Variants in SYNE2 observed in about 807,000 individuals in gnomAD.
The protein encoded by SYNE2 is nesprin-2.
In SYNE2, 431 loss-of-function variants were observed where a neutral mutation model predicts 856.3. The observed-to-expected ratio is 0.50, with a 90% CI of 0.47 to 0.55. The LOEUF (loss-of-function observed/expected upper bound fraction) is 0.55. Among genes scored for constraint, SYNE2 ranks in the 20% least tolerant of loss-of-function variants. The pLI, the probability that SYNE2 is intolerant of heterozygous loss-of-function variation, is 0.00. For missense variants in SYNE2, 8,129 were observed against 8,023.2 expected (o/e 1.01, Z -0.50); for synonymous variants, 2,923 against 2,872.3 (o/e 1.02, Z -0.56).
chr14:64,113,404 CCCAGGGTGGAGA>C lies in SYNE2; in HGVS notation c.12674_12685del (p.Pro4225_Lys4229delinsGln), dbSNP rs769427742. On this transcript the variant is annotated inframe_deletion, in exon 66 of 116. Transcript: ENST00000555002. ...TTCTGACGCGCAAGGAGGTTTGGAG[CCCAGGGTGGAGA>C]AAACTAGGCCGGAGCCCACAGAAGT... 1.9e-6 allele frequency: 3 copies of C among 1,614,132 alleles called. No homozygotes were observed. In the South Asian group the frequency reaches 3.3e-5, roughly 18 times the overall value.
At chr14:64,075,899 T>G in intron 53 of SYNE2, 46 bp from the exon 54 acceptor site, 1 of 1,608,142 alleles carries the variant, frequency 6.2e-7, no homozygotes, top group Non-Finnish European at 8.5e-7. Context: ...AGAATTAAAC[T>G]TTTCCCCCAG....
chr14:63,835,422 G>A (rs1297450846), intron 1 of SYNE2, among the ~76,000 whole-genome samples: 1 of 151,808 alleles, frequency 6.6e-6, no homozygotes, highest in Non-Finnish European at 1.5e-5. Context: ...TAGTAGAGAC[G>A]GGGTTTCACC....
At chr14:64,009,336 G>A (rs371733027) in intron 31 of SYNE2, among the ~76,000 whole-genome samples, 2 of 152,028 alleles carry the variant, frequency 1.3e-5, no homozygotes, top group African/African-American at 4.8e-5. Flanking sequence ...AGGAGTTCAC[G>A]ACCAGCCCGG....
chr14:63,812,957 C>G lies in SYNE2; in HGVS notation c.-304-39544C>G, dbSNP rs57694582. On this transcript the variant is annotated intron_variant, in intron 1 of 23. Coordinates refer to the SYNE2 transcript ENST00000674003. ...TAAATGGCTTTCAATGGTTTCTGGC[C>G]CTACAGGTGAGTAAAAATGGTCACT... is the stretch of plus-strand genomic sequence containing the variant. 5.0e-3 allele frequency among the ~76,000 whole-genome samples: 754 copies of G among 152,070 alleles called. 3 individuals are homozygous for G. The highest frequency in any genetic ancestry group is 0.017 in the African/African-American group (714 of 41,456).
chr14:64,038,465 T>C (rs910217858), intron 45 of SYNE2, among the ~76,000 whole-genome samples: 21 of 152,110 alleles, frequency 1.4e-4, no homozygotes, highest in Non-Finnish European at 2.2e-4. Context: ...GCTGCAATCT[T>C]GGCACTTTGG....
At chr14:64,044,285 A>T (rs553351717) in intron 45 of SYNE2, among the ~76,000 whole-genome samples, 2 of 152,288 alleles carry the variant, frequency 1.3e-5, no homozygotes, top group Non-Finnish European at 2.9e-5. Flanking sequence ...TCAGACTTGC[A>T]TGGGCCCTGT....
At chr14:64,171,095 TA>T (rs980842267) in intron 94 of SYNE2, among the ~76,000 whole-genome samples, 3 of 151,780 alleles carry the variant, frequency 2.0e-5, no homozygotes, top group Non-Finnish European at 4.4e-5. Context: ...AAAACTGATT[TA>T]AAAAAAATAA....
intron 34 of SYNE2, among the ~76,000 whole-genome samples, chr14:64,018,537 C>T (rs2096912483): frequency 6.6e-6 from 1 of 152,148 alleles, no homozygotes; most frequent in Admixed American, 6.6e-5. Context: ...CCATCATGCC[C>T]AGCCAGCAGA....
intron 1 of SYNE2, among the ~76,000 whole-genome samples, chr14:63,770,838 A>T (rs1474470513): frequency 2.0e-5 from 3 of 152,032 alleles, no homozygotes; most frequent in Admixed American, 6.6e-5. Flanking sequence ...ATAAAAAAAA[A>T]TTTTAAATTC....
chr14:64,151,916 T>C (rs928074850), intron 84 of SYNE2, among the ~76,000 whole-genome samples: 1 of 152,174 alleles, frequency 6.6e-6, no homozygotes, highest in East Asian at 1.9e-4. Context: ...TTCCTCTGAG[T>C]AGAGTGGCAC....
rs375356310 is a variant in SYNE2, at chr14:64,225,300, C to G, written c.20517-19C>G. ...CCTGTGGAGCCTCCCAATCAGCTCTCAACCTCCTCTGTTGGCAGGGTCCCC... is the reference window on the plus strand; with the variant it reads ...CCTGTGGAGCCTCCCAATCAGCTCTGAACCTCCTCTGTTGGCAGGGTCCCC... On this transcript the variant is annotated intron_variant, in intron 115 of 115. Coordinates refer to ENST00000555002, the MANE Select transcript of SYNE2 (RefSeq NM_182914.3). 4.3e-6 allele frequency: 7 copies of G among 1,614,096 alleles called. No homozygotes were observed. Among genetic ancestry groups the G allele is most frequent in the Middle Eastern group, 1.6e-4 (1 of 6,062 alleles).
At chr14:63,827,625 CAAAAAAAAAAAAAA>C (rs11334415) in intron 1 of SYNE2, among the ~76,000 whole-genome samples, 5 of 28,410 alleles carry the variant, frequency 1.8e-4, no homozygotes, top group Non-Finnish European at 2.5e-4. Flanking sequence ...AACTCTGTCT[CAAAAAAAAAAAAAA>C]AAAAAAAAAA....
chr14:64,190,218 T>G lies in SYNE2; in HGVS notation c.18019T>G (p.Phe6007Val). The change falls in exon 99 of 116, where the codon TTT (phenylalanine) becomes GTT (valine). Residue 6007 changes from phenylalanine to valine, a missense_variant. Coordinates refer to ENST00000555002, the MANE Select transcript of SYNE2 (RefSeq NM_182914.3). ...NKINDRWQHL[F>V]DVIGSRVKKL... ...AATTAACGATCGTTGGCAACATCTT[T>G]TTGATGTCATCGGATCAAGGTAAGA... The G allele has an allele frequency of 6.2e-7, 1 of 1,614,120 alleles. No individual in the cohort carries two copies. Among genetic ancestry groups the G allele is most frequent in the Non-Finnish European group, 8.5e-7 (1 of 1,180,026 alleles).
chr14:64,089,369 GAAAAAAAAAAAAAAAA>G (rs57358817), intron 58 of SYNE2, among the ~76,000 whole-genome samples, 189 bp from the exon 59 acceptor site: 1 of 50,462 alleles, frequency 2.0e-5, no homozygotes. Flanking sequence ...TCCGTCTCAG[GAAAAAAAAAAAAAAAA>G]AAAAAAAAAA....
intron 71 of SYNE2, among the ~76,000 whole-genome samples, chr14:64,125,631 C>T (rs979743393): frequency 6.6e-6 from 1 of 152,134 alleles, no homozygotes; most frequent in Admixed American, 6.5e-5. Flanking sequence ...GGAGTGATGA[C>T]TAGCTATGGC....
At chr14:64,072,108 C>CT (rs542857146) in intron 52 of SYNE2, among the ~76,000 whole-genome samples, 6 of 152,192 alleles carry the variant, frequency 3.9e-5, no homozygotes, top group Admixed American at 2.0e-4. Flanking sequence ...CTTTAAATTA[C>CT]TTTTTTTTAA....
intron 16 of SYNE2, among the ~76,000 whole-genome samples, chr14:63,981,554 T>G (rs1183446008): frequency 6.6e-6 from 1 of 152,222 alleles, no homozygotes; most frequent in East Asian, 1.9e-4. Context: ...TCAGAAAGTT[T>G]TATTTTTCCA....
chr14:63,939,347 CTTTTTTTTTT>C (rs1056199146), intron 2 of SYNE2, among the ~76,000 whole-genome samples: 12 of 115,184 alleles, frequency 1.0e-4, no homozygotes, highest in Non-Finnish European at 1.8e-4. Context: ...TTTTTTTTTT[CTTTTTTTTTT>C]TTTTTTTTGA....
intron 2 of SYNE2, among the ~76,000 whole-genome samples, chr14:63,915,654 G>A (rs1358120670): frequency 6.6e-6 from 1 of 152,108 alleles, no homozygotes; most frequent in African/African-American, 2.4e-5. Context: ...CCCAGTTACT[G>A]TGTCATTTCA....
Sources: gnomAD v4.1 joint callset for allele counts (sites outside exome capture counted in the v4.1 genomes callset) on GRCh38, gnomAD v4.1.1 for gene constraint, MANE v1.5 for transcripts, NCBI Gene and HGNC (gene_info 2026-07-23, HGNC 2026-07-21) for gene names.